ZMIZ2: variants seen among roughly 807,000 people sequenced by gnomAD.
ZMIZ2 encodes zinc finger MIZ-type containing 2.
ZMIZ2 carries 26 observed loss-of-function variants against 93.9 expected under a neutral mutation model. That is an observed-to-expected ratio of 0.28 (90% confidence interval 0.20 to 0.38). ZMIZ2 has a LOEUF of 0.38. Ranked by LOEUF, ZMIZ2 falls within the 10% of genes least tolerant of loss-of-function variation. The probability of loss-of-function intolerance (pLI) is 1.00; values close to 1 mark genes in which losing one functional copy is unlikely to be tolerated. For synonymous variants in ZMIZ2, 485 were observed against 516.4 expected (o/e 0.94, Z 0.82); for missense variants, 1,023 against 1,235.0 (o/e 0.83, Z 2.57).
chr7:44,761,293 C>A lies in ZMIZ2; in HGVS notation c.1241-156C>A. The A allele has an allele frequency of 1.3e-6, 1 of 741,500 alleles. No individual in the cohort carries two copies. The highest frequency in any genetic ancestry group is 1.6e-6 in the Non-Finnish European group (1 of 607,398). 45.9% of individuals were successfully genotyped at this position (741,500 alleles called of 1,614,324 possible). The stretch of plus-strand genomic sequence containing the variant: ...GCTGCCCATGGCCCCAGCCCCAGGG[C>A]ACCACTCAGGCCTGCCAAGCAGTGC... On this transcript the variant is annotated intron_variant, in intron 9 of 18. Coordinates refer to ENST00000309315, the MANE Select transcript of ZMIZ2 (RefSeq NM_031449.4). The surrounding 1 kb of genome is among the most constrained non-coding windows in gnomAD (Gnocchi z 5.8).
chr7:44,753,795 G>C (rs180898584), intron 1 of ZMIZ2, among the ~76,000 whole-genome samples: 17 of 152,234 alleles, frequency 1.1e-4, no homozygotes, highest in Admixed American at 1.1e-3. Context: ...ATATTTTATA[G>C]ATTTATGTTT....
At position 44,765,884 on chromosome 7, in the gene ZMIZ2, C is replaced by T. The variant is rs1426916723; in HGVS notation, c.2243-280C>T. On this transcript the variant is annotated intron_variant, in intron 16 of 18. Coordinates refer to ENST00000309315, the MANE Select transcript of ZMIZ2 (RefSeq NM_031449.4). This position sits in a 1 kb window ranked among gnomAD's most constrained non-coding sequence, Gnocchi z 4.1. ...ACAGGACTGGCCCCATCTGGGGCCC[C>T]CCTCTGGGACCCACCTCACACGCGT... 7 of 1,365,578 alleles carry T rather than the reference C, an allele frequency of 5.1e-6. No homozygotes were observed. The highest frequency in any genetic ancestry group is 9.5e-7 in the Non-Finnish European group (1 of 1,051,526). 84.6% of individuals were successfully genotyped at this position (1,365,578 alleles called of 1,614,324 possible).
intron 5 of ZMIZ2, 77 bp from the exon 6 acceptor site, chr7:44,757,771 G>T: frequency 5.4e-6 from 8 of 1,492,316 alleles, no homozygotes; most frequent in African/African-American, 2.8e-5. Flanking sequence ...ACATGGGTGG[G>T]TGGGCGGGTT....
rs1366024203 is a variant in ZMIZ2 at position 44,763,318 on chromosome 7, G to T, written c.1765G>T (p.Val589Leu). ...GTPGPNGEDG[V>L]EQTAIKVSLK... is the part of the protein sequence containing the mutation. ...CCCTGGGCCCAACGGAGAGGACGGG[G>T]TGGAGCAGACAGCTATCAAGGTGTC... Residue 589 changes from valine (V) to leucine (L), a missense_variant, in exon 13 of 19, where the codon GTG becomes TTG. Coordinates refer to ENST00000309315, the MANE Select transcript of ZMIZ2 (RefSeq NM_031449.4). This position sits in a 1 kb window ranked among gnomAD's most constrained non-coding sequence, Gnocchi z 5.6. 6.2e-7 allele frequency: 1 copy of T among 1,614,042 alleles called. No homozygotes were observed. The highest frequency in any genetic ancestry group is 8.5e-7 in the Non-Finnish European group (1 of 1,180,026).
intron 1 of ZMIZ2, among the ~76,000 whole-genome samples, chr7:44,750,218 C>G (rs567003737): frequency 2.3e-3 from 346 of 152,254 alleles, no homozygotes; most frequent in Non-Finnish European, 3.7e-3. Context: ...TAAACTGATG[C>G]CAGGTTAAGG....
Position 44,765,615 on chromosome 7 carries a change from C to A in ZMIZ2, c.2242+36C>A. 1.3e-6 allele frequency: 2 copies of A among 1,575,394 alleles called. No individual in the cohort carries two copies. Among genetic ancestry groups the A allele is most frequent in the Non-Finnish European group, 1.7e-6 (2 of 1,164,478 alleles). ...CAGGCTAGCCTTGAACCTCAGATGACCCTGGGCATATGGCTCCTCTCCCCA... is the reference window on the plus strand; with the variant it reads ...CAGGCTAGCCTTGAACCTCAGATGAACCTGGGCATATGGCTCCTCTCCCCA... On this transcript the variant is annotated intron_variant, in intron 16 of 18. Transcript: ENST00000309315. This position sits in a 1 kb window ranked among gnomAD's most constrained non-coding sequence, Gnocchi z 4.1.
Position 44,765,622 on chromosome 7 carries a change from C to T in ZMIZ2, c.2242+43C>T, listed in dbSNP as rs1583658756. ...GCCTTGAACCTCAGATGACCCTGGG[C>T]ATATGGCTCCTCTCCCCAGATCAGT... is the stretch of plus-strand genomic sequence containing the variant. On this transcript the variant is annotated intron_variant, in intron 16 of 18. Transcript: ENST00000309315. The surrounding 1 kb of genome is among the most constrained non-coding windows in gnomAD (Gnocchi z 4.1). The T allele has an allele frequency of 6.4e-7, 1 of 1,569,172 alleles. No individual in the cohort carries two copies. The highest frequency in any genetic ancestry group is 8.6e-7 in the Non-Finnish European group (1 of 1,160,412).
At chr7:44,762,048 G>GGGCC (rs1406514530) in intron 11 of ZMIZ2, 143 bp downstream of exon 11, 28 of 1,113,542 alleles carry the variant, frequency 2.5e-5, no homozygotes, top group Non-Finnish European at 3.4e-5. Flanking sequence ...GGACATGGGC[G>GGGCC]GGCCGGCCTG....
intron 7 of ZMIZ2, chr7:44,759,713 A>T (rs569371566): frequency 2.2e-6 from 1 of 453,204 alleles, no homozygotes; most frequent in Non-Finnish European, 3.9e-6. Flanking sequence ...CAAGATTCAT[A>T]TATCTCAGGG....
chr7:44,750,743 C>G (rs1397090202), intron 1 of ZMIZ2, among the ~76,000 whole-genome samples: 1 of 152,132 alleles, frequency 6.6e-6, no homozygotes, highest in Non-Finnish European at 1.5e-5. Context: ...CCCGAGAAAG[C>G]CTTGTGGCCC....
intron 7 of ZMIZ2, chr7:44,759,689 G>A (rs1273331668): frequency 1.8e-5 from 8 of 455,584 alleles, no homozygotes; most frequent in Admixed American, 3.9e-5. Flanking sequence ...ATCCAGTTCC[G>A]AAAGGACCCT....
chr7:44,763,182 CT>C lies in ZMIZ2; in HGVS notation c.1703-73del. The stretch of plus-strand genomic sequence containing the variant: ...AGTGGGTCAGTGACTGGGTCCCTGC[CT>C]CGTTGGCATCCCCATTCACACCTCC... On this transcript the variant is annotated intron_variant, in intron 12 of 18. Transcript: ENST00000309315. The surrounding 1 kb of genome is among the most constrained non-coding windows in gnomAD (Gnocchi z 5.6). The C allele has an allele frequency of 6.4e-7, 1 of 1,572,856 alleles. No homozygotes were observed.
At position 44,766,207 on chromosome 7, in the gene ZMIZ2, A is replaced by T. The variant is rs1225287830; in HGVS notation, c.2286A>T (p.Pro762=). The change falls in exon 17 of 19, where the codon CCA becomes CCT. Residue 762 remains proline (P), a synonymous_variant. Transcript: ENST00000309315. This position sits in a 1 kb window ranked among gnomAD's most constrained non-coding sequence, Gnocchi z 4.4. ...LGPGTFPESF[P]PTTPSTPTLA... is the part of the protein sequence containing the mutation. The stretch of plus-strand genomic sequence containing the variant: ...CTGGAACTTTCCCTGAGTCCTTCCC[A>T]CCCACCACGCCCAGCACCCCAACCC... 9.8e-7 allele frequency: 1 copy of T among 1,017,476 alleles called. No homozygotes were observed. Among genetic ancestry groups the T allele is most frequent in the Admixed American group, 1.9e-5 (1 of 52,322 alleles). 63.0% of individuals were successfully genotyped at this position (1,017,476 alleles called of 1,614,324 possible).
At chr7:44,757,664 C>A in intron 5 of ZMIZ2, 103 bp downstream of exon 5, 1 of 1,464,486 alleles carries the variant, frequency 6.8e-7, no homozygotes, top group Non-Finnish European at 9.0e-7. Flanking sequence ...TGGAATATGC[C>A]AGGGCTCATG....
In ZMIZ2 at chr7:44,757,420, T is replaced by C; in HGVS notation, c.411T>C (p.Ala137=). 1 of 1,604,668 alleles carries C rather than the reference T, an allele frequency of 6.2e-7. No homozygotes were observed. Among genetic ancestry groups the C allele is most frequent in the South Asian group, 1.1e-5 (1 of 91,070 alleles). ...GPGGLGLPSH[A]ARPSTDFTQA... ...GGGGCCTGGGCCTCCCCTCACATGCTGCAAGACCCTCCACTGACTTCACGC... is the reference window on the plus strand; with the variant it reads ...GGGGCCTGGGCCTCCCCTCACATGCCGCAAGACCCTCCACTGACTTCACGC... Residue 137 remains alanine, a synonymous_variant, in exon 5 of 19, where the codon GCT becomes GCC. Coordinates refer to ENST00000309315, the MANE Select transcript of ZMIZ2 (RefSeq NM_031449.4).
rs1791359276 is a variant in ZMIZ2 at position 44,762,969 on chromosome 7, A to G, written c.1685A>G (p.Glu562Gly). 1 of 1,612,876 alleles carries G rather than the reference A, an allele frequency of 6.2e-7. No homozygotes were observed. Among genetic ancestry groups the G allele is most frequent in the Non-Finnish European group, 8.5e-7 (1 of 1,179,354 alleles). The stretch of plus-strand genomic sequence containing the variant: ...CTCAAAAAGCGCCTCCTGCCTGCTG[A>G]GCACTGCATCACCAAGAGTGAGTGG... ...GLLKKRLLPA[E>G]HCITKIKRNF... The change falls in exon 12 of 19, where the codon GAG (glutamate) becomes GGG (glycine). Residue 562 changes from glutamate (E) to glycine (G), a missense_variant. By Grantham distance (98) the Glu-to-Gly change is moderately conservative (BLOSUM62 -2). Transcript: ENST00000309315.
chr7:44,750,844 G>T (rs187247006), intron 1 of ZMIZ2: 1 of 152,198 alleles, frequency 6.6e-6, no homozygotes. Context: ...GACCCTTGGT[G>T]GGCATGGGCC....
intron 18 of ZMIZ2, among the ~76,000 whole-genome samples, 176 bp from the exon 19 acceptor site, chr7:44,767,340 C>T (rs1168444382): frequency 6.6e-6 from 1 of 152,122 alleles, no homozygotes; most frequent in African/African-American, 2.4e-5. Flanking sequence ...TGGCGTGTGC[C>T]TCTTTGAGCA....
At chr7:44,750,612 G>C (rs993422818) in intron 1 of ZMIZ2, among the ~76,000 whole-genome samples, 2 of 152,176 alleles carry the variant, frequency 1.3e-5, no homozygotes, top group African/African-American at 4.8e-5. Flanking sequence ...AGGTGGCATG[G>C]AACAAGGCTC....
Sources: gnomAD v4.1 joint callset for allele counts (sites outside exome capture counted in the v4.1 genomes callset) on GRCh38, gnomAD v4.1.1 for gene constraint, Gnocchi (gnomAD v3.1) non-coding constraint, MANE v1.5 for transcripts, NCBI Gene and HGNC (gene_info 2026-07-23, HGNC 2026-07-21) for gene names.